Variants in NXPE2 observed in about 807,000 individuals in gnomAD.
NXPE2 encodes the protein NXPE family member 2.
Under a neutral mutation model 34.4 loss-of-function variants are expected in NXPE2, and 34 were observed. The ratio of observed to expected loss-of-function variants is 0.99; its 90% CI spans 0.75 to 1.31. NXPE2 has a LOEUF of 1.31. NXPE2 is among the 40% of genes most tolerant of loss of function. The pLI is 0.00. For synonymous variants in NXPE2, 235 were observed against 231.3 expected (o/e 1.02, Z -0.15); for missense variants, 649 against 672.5 (o/e 0.97, Z 0.39).
At chr11:114,648,411 C>T in the NXPE2 span, among the ~76,000 whole-genome samples, 2 of 152,168 alleles carry the variant, frequency 1.3e-5, no homozygotes, top group Non-Finnish European at 2.9e-5. Flanking sequence ...TTCTCTCTTA[C>T]TCAGCGGAGG....
the NXPE2 span, chr11:114,513,137 G>A: frequency 3.6e-6 from 2 of 552,234 alleles, no homozygotes; most frequent in South Asian, 2.8e-5. Context: ...GGACATCCTG[G>A]CCCTCAGGAA....
At chr11:114,784,625 A>T in the NXPE2 span, among the ~76,000 whole-genome samples, 2 of 152,126 alleles carry the variant, frequency 1.3e-5, no homozygotes, top group East Asian at 3.9e-4. Flanking sequence ...GAAGATTTCC[A>T]CAGAAAAACC....
chr11:114,469,851 A>G, the NXPE2 span, among the ~76,000 whole-genome samples: 1 of 152,068 alleles, frequency 6.6e-6, no homozygotes, highest in African/African-American at 2.4e-5. Context: ...CACACACTTC[A>G]TGCCCTTTTC....
the NXPE2 span, among the ~76,000 whole-genome samples, chr11:114,630,328 T>C: frequency 1.3e-5 from 2 of 151,760 alleles, no homozygotes; most frequent in African/African-American, 4.9e-5. Context: ...AATAGAGATA[T>C]AGATCAATGG....
At chr11:114,671,250 C>T in the NXPE2 span, among the ~76,000 whole-genome samples, 1 of 150,754 alleles carries the variant, frequency 6.6e-6, no homozygotes, top group African/African-American at 2.4e-5. Context: ...GTCTAGAGAA[C>T]AGAGAGAAAA....
the NXPE2 span, among the ~76,000 whole-genome samples, chr11:114,495,546 C>T: frequency 1.3e-5 from 2 of 151,722 alleles, no homozygotes; most frequent in African/African-American, 4.8e-5. Context: ...AAACAAAGTC[C>T]CCTTTACTCT....
chr11:114,572,182 C>T, the NXPE2 span, among the ~76,000 whole-genome samples: 1 of 152,138 alleles, frequency 6.6e-6, no homozygotes, highest in African/African-American at 2.4e-5. Context: ...TAAACCACAT[C>T]AAGGGAGCAC....
the NXPE2 span, among the ~76,000 whole-genome samples, chr11:114,502,016 G>A: frequency 6.6e-6 from 1 of 152,068 alleles, no homozygotes; most frequent in East Asian, 1.9e-4. Flanking sequence ...GACATTTTGG[G>A]CTGAAAAACT....
the NXPE2 span, among the ~76,000 whole-genome samples, chr11:114,589,245 C>T: frequency 6.6e-6 from 1 of 152,086 alleles, no homozygotes; most frequent in Non-Finnish European, 1.5e-5. Context: ...AAAGATGGTC[C>T]AGCAGGACTG....
chr11:114,762,104 A>G, the NXPE2 span, among the ~76,000 whole-genome samples: 38 of 152,266 alleles, frequency 2.5e-4, no homozygotes, highest in African/African-American at 8.7e-4. Context: ...TGGAGTAGCC[A>G]GGTCTGTTTG....
chr11:114,468,635 T>C, the NXPE2 span, among the ~76,000 whole-genome samples: 3 of 152,182 alleles, frequency 2.0e-5, no homozygotes, highest in African/African-American at 7.2e-5. Context: ...TGGCATCTAG[T>C]ACATTAGAGA....
chr11:114,566,264 T>C, the NXPE2 span, among the ~76,000 whole-genome samples: 2 of 151,818 alleles, frequency 1.3e-5, no homozygotes, highest in Non-Finnish European at 2.9e-5. Flanking sequence ...AATTAGCATA[T>C]AGATAGAGCA....
the NXPE2 span, among the ~76,000 whole-genome samples, chr11:114,546,301 T>TTCC: frequency 6.6e-6 from 1 of 152,046 alleles, no homozygotes; most frequent in East Asian, 1.9e-4. Context: ...TTCCTCATGA[T>TTCC]TGATGTGGTA....
the NXPE2 span, among the ~76,000 whole-genome samples, chr11:114,603,819 A>G: frequency 6.6e-6 from 1 of 151,440 alleles, no homozygotes; most frequent in Non-Finnish European, 1.5e-5. Flanking sequence ...CTCCTAGGTA[A>G]CTCCTATTAA....
the NXPE2 span, among the ~76,000 whole-genome samples, chr11:114,715,559 A>C: frequency 2.0e-5 from 3 of 152,202 alleles, no homozygotes; most frequent in Admixed American, 1.3e-4. Flanking sequence ...ATAGTAATGT[A>C]AAATAAATAC....
At chr11:114,608,095 C>T in the NXPE2 span, among the ~76,000 whole-genome samples, 1 of 151,900 alleles carries the variant, frequency 6.6e-6, no homozygotes, top group Non-Finnish European at 1.5e-5. Context: ...TAAGTGTTGC[C>T]TCGTGGGTAA....
the NXPE2 span, among the ~76,000 whole-genome samples, chr11:114,581,243 G>A: frequency 6.6e-6 from 1 of 152,096 alleles, no homozygotes; most frequent in Non-Finnish European, 1.5e-5. Context: ...GTAAATATAA[G>A]TGTGCAAGTT....
the NXPE2 span, among the ~76,000 whole-genome samples, chr11:114,575,323 T>C: frequency 1.3e-5 from 2 of 152,034 alleles, no homozygotes; most frequent in African/African-American, 4.8e-5. Context: ...TTCAACATAG[T>C]ACTGGAAGTC....
At chr11:114,570,995 G>A in the NXPE2 span, 2 of 1,612,546 alleles carry the variant, frequency 1.2e-6, no homozygotes, top group African/African-American at 1.3e-5. Flanking sequence ...GTTGAGGTGG[G>A]TGTACATTAT....
Sources: allele counts gnomAD v4.1 joint callset (sites outside exome capture counted in the v4.1 genomes callset), GRCh38; gene constraint gnomAD v4.1.1; transcripts MANE v1.5; gene names NCBI Gene and HGNC (gene_info 2026-07-23, HGNC 2026-07-21).